DGKB: variants seen among roughly 807,000 people sequenced by gnomAD.
DGKB encodes diacylglycerol kinase beta.
A neutral mutation model predicts 114.3 loss-of-function variants in DGKB; 67 were observed. That is an observed-to-expected ratio of 0.59 (90% CI 0.48 to 0.72). The LOEUF is 0.72. Among genes scored for constraint, DGKB ranks in the 30% least tolerant of loss-of-function variants. DGKB has a pLI of 0.00. For missense variants in DGKB, 907 were observed against 975.2 expected, an observed-to-expected ratio of 0.93 and a Z score of 0.93; for synonymous variants, 398 against 323.1, an observed-to-expected ratio of 1.23 and a Z score of -2.49.
At chr7:14,435,618 G>C (rs1370965597) in intron 21 of DGKB, among the ~76,000 whole-genome samples, 1 of 151,854 alleles carries the variant, frequency 6.6e-6, no homozygotes, top group Non-Finnish European at 1.5e-5. Flanking sequence ...TCCTGAAAAA[G>C]CTCCCAACAT....
At chr7:14,388,094 G>C (rs749614838) in intron 21 of DGKB, among the ~76,000 whole-genome samples, 31 of 150,936 alleles carry the variant, frequency 2.1e-4, no homozygotes, top group Non-Finnish European at 3.8e-4. Context: ...GGCCAGGCTG[G>C]TCTTGAACTC....
intron 9 of DGKB, among the ~76,000 whole-genome samples, chr7:14,688,319 T>C (rs1418143399): frequency 1.3e-5 from 2 of 152,178 alleles, no homozygotes; most frequent in African/African-American, 2.4e-5. Flanking sequence ...ACTATGAAAA[T>C]GTGAATAAGC....
intron 2 of DGKB, among the ~76,000 whole-genome samples, chr7:14,813,100 A>G (rs956719304): frequency 1.3e-5 from 2 of 152,310 alleles, no homozygotes. Context: ...TTTCAATGCC[A>G]TATTTGGAAT....
At chr7:14,415,377 G>A (rs1431271654) in intron 21 of DGKB, among the ~76,000 whole-genome samples, 5 of 151,596 alleles carry the variant, frequency 3.3e-5, no homozygotes, top group Admixed American at 6.6e-5. Flanking sequence ...CCATTAACTC[G>A]TCATTTAGCA....
chr7:14,607,333 C>A (rs936339670), intron 17 of DGKB, 101 bp downstream of exon 17: 8 of 666,810 alleles, frequency 1.2e-5, no homozygotes, highest in African/African-American at 1.9e-5. Context: ...TACTAATATG[C>A]TGCTGTGTTC....
intron 13 of DGKB, among the ~76,000 whole-genome samples, chr7:14,648,693 C>G (rs1813723098): frequency 6.6e-6 from 1 of 151,404 alleles, no homozygotes; most frequent in South Asian, 2.1e-4. Context: ...GATCAAATTA[C>G]TCTGAGCTAC....
At chr7:14,245,278 C>T (rs1016379035) in intron 23 of DGKB, among the ~76,000 whole-genome samples, 14 of 152,040 alleles carry the variant, frequency 9.2e-5, no homozygotes, top group Non-Finnish European at 1.5e-4. Context: ...GTACTAAAAT[C>T]CCATATTTAA....
At chr7:14,620,467 A>G (rs1464474992) in intron 15 of DGKB, among the ~76,000 whole-genome samples, 1 of 151,674 alleles carries the variant, frequency 6.6e-6, no homozygotes, top group Non-Finnish European at 1.5e-5. Flanking sequence ...CTATAGTATC[A>G]GAAATAAAAT....
At position 14,923,983 on chromosome 7, in the gene DGKB, C is replaced by CAAAAAAAAAAAAAAAAAAAAAAA. The variant is rs56032330; in HGVS notation, c.-188+50712_-188+50713insTTTTTTTTTTTTTTTTTTTTTTT. Among the ~76,000 whole-genome samples, 15 of 76,164 alleles carry CAAAAAAAAAAAAAAAAAAAAAAA rather than the reference C, an allele frequency of 2.0e-4. 1 individual carries two copies. The highest frequency in any genetic ancestry group is 1.1e-3 in the African/African-American group (15 of 13,700). 50.0% of individuals were successfully genotyped at this position (76,164 alleles called of 152,430 possible). On this transcript the variant is annotated intron_variant, in intron 1 of 4. Coordinates refer to the DGKB transcript ENST00000437998. Reference sequence around the variant, plus strand: ...TGGGCAACACAGTGAAGCTCCATCTCAAAAAAAAAAAAAAAAAAAAAGCTT... The same window carrying CAAAAAAAAAAAAAAAAAAAAAAA: ...TGGGCAACACAGTGAAGCTCCATCTCAAAAAAAAAAAAAAAAAAAAAAAAAAAAAAAAAAAAAAAAAAAAGCTT...
rs1554304256 is a variant in DGKB at position 14,852,487 on chromosome 7, C to CAAAAAAAAAACAACAACAACA, written c.-187-11038_-187-11037insTGTTGTTGTTGTTTTTTTTTT. On this transcript the variant is annotated intron_variant, in intron 1 of 25. Coordinates refer to ENST00000402815, the MANE Select transcript of DGKB (RefSeq NM_001350709.2). ...GAGGAATAGCTAAAATAGTGAAAGT[C>CAAAAAAAAAACAACAACAACA]AAAAAAAAAACAGAAATCAAGCATA... Among the ~76,000 whole-genome samples the CAAAAAAAAAACAACAACAACA allele has an allele frequency of 6.3e-5, 4 of 63,636 alleles. 2 individuals carry two copies. Among genetic ancestry groups the CAAAAAAAAAACAACAACAACA allele is most frequent in the Non-Finnish European group, 1.2e-4 (4 of 33,828 alleles). 41.7% of individuals were successfully genotyped at this position (63,636 alleles called of 152,430 possible).
intron 10 of DGKB, among the ~76,000 whole-genome samples, chr7:14,683,249 T>A (rs1477309615): frequency 6.6e-6 from 1 of 152,158 alleles, no homozygotes; most frequent in Non-Finnish European, 1.5e-5. Flanking sequence ...GGTATGGGAA[T>A]AAAAGCCCAT....
intron 23 of DGKB, among the ~76,000 whole-genome samples, chr7:14,336,808 G>T (rs939941797): frequency 9.2e-5 from 14 of 152,138 alleles, no homozygotes; most frequent in Non-Finnish European, 1.9e-4. Context: ...ATGTGTTTGG[G>T]TGGAGCACAG....
chr7:14,186,371 A>T (rs965427407), intron 23 of DGKB, among the ~76,000 whole-genome samples: 1 of 152,200 alleles, frequency 6.6e-6, no homozygotes, highest in Admixed American at 6.5e-5. Flanking sequence ...AAAACAGTAG[A>T]TGTTGGTGTG....
intron 23 of DGKB, among the ~76,000 whole-genome samples, chr7:14,205,289 A>T (rs956211809): frequency 6.6e-6 from 1 of 151,790 alleles, no homozygotes; most frequent in African/African-American, 2.4e-5. Context: ...CACCTCCTCA[A>T]AACTCTTCCA....
At chr7:14,323,697 G>A (rs1229865672) in intron 23 of DGKB, among the ~76,000 whole-genome samples, 2 of 152,188 alleles carry the variant, frequency 1.3e-5, no homozygotes, top group South Asian at 4.1e-4. Context: ...TGTGTTTGAT[G>A]AGTATCCGAA....
At chr7:14,380,488 T>A (rs1256797603) in intron 21 of DGKB, among the ~76,000 whole-genome samples, 2 of 152,116 alleles carry the variant, frequency 1.3e-5, no homozygotes, top group African/African-American at 4.8e-5. Context: ...CCATTTAGCA[T>A]AGAAAATAAA....
At position 14,146,516 on chromosome 7, in the gene DGKB, A is replaced by C. The variant is rs972409019; in HGVS notation, c.*2615T>G. The C allele has an allele frequency of 2.6e-5, 4 of 152,216 alleles. No individual in the cohort carries two copies. The highest frequency in any genetic ancestry group is 7.2e-5 in the African/African-American group (3 of 41,460). The allele number at this position is 152,216 out of a possible 1,614,324, so 9.4% of individuals were successfully genotyped here. On this transcript the variant is annotated 3_prime_UTR_variant, in exon 26 of 26. Coordinates refer to ENST00000402815, the MANE Select transcript of DGKB (RefSeq NM_001350709.2). ...CCATCTTGTAAAGCTAACAACATTC[A>C]TCATTCAATATTTTAATATACTATA...
chr7:14,648,436 T>C (rs916221869), intron 13 of DGKB, among the ~76,000 whole-genome samples: 8 of 152,130 alleles, frequency 5.3e-5, no homozygotes, highest in African/African-American at 1.9e-4. Flanking sequence ...CTGAGGGTCC[T>C]CTCTGTTAGA....
intron 2 of DGKB, among the ~76,000 whole-genome samples, chr7:14,821,285 C>T (rs1211996492): frequency 2.0e-5 from 3 of 152,072 alleles, no homozygotes; most frequent in Non-Finnish European, 4.4e-5. Context: ...ATATTAAATG[C>T]CATGTTTATA....
Sources: gnomAD v4.1 joint callset for allele counts (sites outside exome capture counted in the v4.1 genomes callset) on GRCh38, gnomAD v4.1.1 for gene constraint, MANE v1.5 for transcripts, NCBI Gene and HGNC (gene_info 2026-07-23, HGNC 2026-07-21) for gene names.